DNM3: variants seen among roughly 807,000 people sequenced by gnomAD.
DNM3 encodes the protein dynamin-3.
DNM3 carries 47 observed loss-of-function variants against 101.6 expected under a neutral mutation model. That is an observed-to-expected ratio of 0.46 (90% CI 0.37 to 0.59). The LOEUF is 0.59. Among genes scored for constraint, DNM3 ranks in the 20% least tolerant of loss-of-function variants. The probability of loss-of-function intolerance (pLI) is 0.00; values close to 1 mark genes in which losing one functional copy is unlikely to be tolerated. For synonymous variants in DNM3, 385 were observed against 387.9 expected (o/e 0.99, Z 0.09); for missense variants, 849 against 1,085.7 (o/e 0.78, Z 3.06).
intron 18 of DNM3, among the ~76,000 whole-genome samples, chr1:172,382,844 C>G (rs942895896): frequency 9.9e-5 from 15 of 152,068 alleles, no homozygotes; most frequent in African/African-American, 3.1e-4. Flanking sequence ...AAATTTGAAA[C>G]ATAGAGCCAT....
chr1:172,075,070 T>C (rs1279939166), intron 11 of DNM3, among the ~76,000 whole-genome samples: 2 of 152,222 alleles, frequency 1.3e-5, no homozygotes, highest in African/African-American at 4.8e-5. Context: ...TAATGACCAG[T>C]GATGATGAGC....
At chr1:172,113,332 T>G (rs764191336) in intron 13 of DNM3, among the ~76,000 whole-genome samples, 1 of 152,134 alleles carries the variant, frequency 6.6e-6, no homozygotes, top group Non-Finnish European at 1.5e-5. Context: ...GGGGATATAC[T>G]ATTATTAGCT....
At chr1:172,045,375 A>T (rs184449099) in intron 9 of DNM3, among the ~76,000 whole-genome samples, 1 of 152,180 alleles carries the variant, frequency 6.6e-6, no homozygotes, top group African/African-American at 2.4e-5. Context: ...TTCTGGTGAG[A>T]TCCCTTTTCT....
rs150861185 is a variant in DNM3 at position 171,930,997 on chromosome 1, G to A, written c.235+9176G>A. 4.4e-3 allele frequency among the ~76,000 whole-genome samples: 664 copies of A among 152,186 alleles called. 7 individuals are homozygous for A. Among genetic ancestry groups the A allele is most frequent in the African/African-American group, 0.015 (617 of 41,506 alleles). Reference sequence around the variant, plus strand: ...GGTGGCTCACACCTGTTGTCCTGGCGCATAAGAAGGTAAGGCCAGGCATTA... The same window carrying A: ...GGTGGCTCACACCTGTTGTCCTGGCACATAAGAAGGTAAGGCCAGGCATTA... On this transcript the variant is annotated intron_variant, in intron 2 of 20. Coordinates refer to ENST00000627582, the MANE Select transcript of DNM3 (RefSeq NM_015569.5).
chr1:172,372,032 A>G (rs1296347591), intron 17 of DNM3, among the ~76,000 whole-genome samples: 1 of 147,152 alleles, frequency 6.8e-6, no homozygotes, highest in Non-Finnish European at 1.5e-5. Context: ...GTCATCTAGC[A>G]TTAGGTATAT....
At chr1:172,322,467 A>G (rs547960049) in intron 16 of DNM3, among the ~76,000 whole-genome samples, 1 of 152,164 alleles carries the variant, frequency 6.6e-6, no homozygotes, top group African/African-American at 2.4e-5. Flanking sequence ...TTATTTTTTT[A>G]GGCCATATGT....
chr1:172,235,920 C>A (rs979926254), intron 14 of DNM3, among the ~76,000 whole-genome samples: 1 of 152,006 alleles, frequency 6.6e-6, no homozygotes, highest in East Asian at 1.9e-4. Context: ...GGGTGCAGCA[C>A]ACCAACATGA....
intron 14 of DNM3, among the ~76,000 whole-genome samples, chr1:172,164,227 C>CTTTTTTTTTTTTT (rs1165249284): frequency 9.8e-6 from 1 of 102,524 alleles, no homozygotes. Flanking sequence ...ATTTTCTTTT[C>CTTTTTTTTTTTTT]TTTTCTTTTT....
At chr1:171,927,646 A>T (rs969774469) in intron 2 of DNM3, among the ~76,000 whole-genome samples, 2 of 152,252 alleles carry the variant, frequency 1.3e-5, no homozygotes, top group Non-Finnish European at 2.9e-5. Flanking sequence ...GATTTAAAAA[A>T]ATATAGTACA....
At chr1:172,140,710 T>C (rs1202646245) in intron 14 of DNM3, 1 of 151,944 alleles carries the variant, frequency 6.6e-6, no homozygotes, top group South Asian at 2.1e-4. Context: ...CAACAGTTTT[T>C]CAGGGGAAAA....
intron 14 of DNM3, among the ~76,000 whole-genome samples, chr1:172,194,580 C>T (rs1052029137): frequency 6.6e-6 from 1 of 152,134 alleles, no homozygotes; most frequent in Non-Finnish European, 1.5e-5. Flanking sequence ...ATAGTTAGCT[C>T]TTCTTGTTGA....
intron 1 of DNM3, among the ~76,000 whole-genome samples, chr1:171,914,932 C>G (rs1238082197): frequency 1.3e-5 from 2 of 151,700 alleles, no homozygotes; most frequent in African/African-American, 4.9e-5. Flanking sequence ...GGTGGGGGGA[C>G]CTCGAGAAGA....
intron 20 of DNM3, chr1:172,397,386 C>A (rs1022150090): frequency 6.6e-6 from 1 of 152,494 alleles, no homozygotes. Context: ...CTGTGCTCTG[C>A]GTATGATTTG....
intron 2 of DNM3, among the ~76,000 whole-genome samples, chr1:171,923,781 C>G (rs1470995252): frequency 6.6e-6 from 1 of 152,054 alleles, no homozygotes; most frequent in Non-Finnish European, 1.5e-5. Context: ...AACTATCACC[C>G]AAATAGTAAA....
intron 14 of DNM3, among the ~76,000 whole-genome samples, chr1:172,179,144 T>C (rs2059258285): frequency 1.3e-5 from 2 of 151,976 alleles, no homozygotes; most frequent in South Asian, 4.1e-4. Context: ...AGCATTCTCC[T>C]GCCTGGACTA....
At chr1:172,194,122 G>A (rs897590368) in intron 14 of DNM3, among the ~76,000 whole-genome samples, 22 of 151,934 alleles carry the variant, frequency 1.4e-4, no homozygotes, top group African/African-American at 5.1e-4. Context: ...TTATGTACCT[G>A]GTAGTCATTC....
At chr1:172,304,966 A>G (rs1348597774) in intron 15 of DNM3, among the ~76,000 whole-genome samples, 1 of 152,230 alleles carries the variant, frequency 6.6e-6, no homozygotes, top group Non-Finnish European at 1.5e-5. Context: ...CATCACAATT[A>G]AAAGAACTAG....
chr1:172,261,918 G>T (rs2062669935), intron 15 of DNM3, among the ~76,000 whole-genome samples: 1 of 152,168 alleles, frequency 6.6e-6, no homozygotes, highest in Non-Finnish European at 1.5e-5. Context: ...GCCCCTGGAA[G>T]GTGTGTATAA....
intron 1 of DNM3, among the ~76,000 whole-genome samples, chr1:171,921,302 G>A (rs1324212045): frequency 6.6e-6 from 1 of 152,108 alleles, no homozygotes; most frequent in Non-Finnish European, 1.5e-5. Flanking sequence ...ACAATCTAAT[G>A]TGCCTTTAGT....
Sources: allele counts gnomAD v4.1 joint callset (sites outside exome capture counted in the v4.1 genomes callset), GRCh38; gene constraint gnomAD v4.1.1; transcripts MANE v1.5; gene names NCBI Gene and HGNC (gene_info 2026-07-23, HGNC 2026-07-21).